Variants in DIO1 observed in about 807,000 individuals in gnomAD.
DIO1 encodes iodothyronine deiodinase 1.
Under a neutral mutation model 25.9 loss-of-function variants are expected in DIO1, and 17 were observed. That is an observed-to-expected ratio of 0.66 (90% CI 0.45 to 0.98). DIO1 has a LOEUF of 0.98. DIO1 is among the 50% of genes least tolerant of loss of function. The probability of loss-of-function intolerance (pLI) is 0.00; values close to 1 mark genes in which losing one functional copy is unlikely to be tolerated. For synonymous variants in DIO1, 115 were observed against 114.0 expected (o/e 1.01, Z -0.05); for missense variants, 270 against 310.4 (o/e 0.87, Z 0.98).
At chr1:53,908,798 C>T (rs1017058027) in intron 3 of DIO1, among the ~76,000 whole-genome samples, 2 of 152,096 alleles carry the variant, frequency 1.3e-5, no homozygotes, top group Non-Finnish European at 2.9e-5. Context: ...GAGACATGAT[C>T]GGACCTGTAC....
At chr1:53,905,350 T>A (rs773077649) in intron 2 of DIO1, among the ~76,000 whole-genome samples, 2 of 151,996 alleles carry the variant, frequency 1.3e-5, no homozygotes, top group African/African-American at 4.8e-5. Flanking sequence ...GTTTTTTGTA[T>A]TTTTTGTAGA....
At chr1:53,906,658 C>A (rs923331806) in intron 3 of DIO1, among the ~76,000 whole-genome samples, 3 of 148,542 alleles carry the variant, frequency 2.0e-5, no homozygotes, top group Non-Finnish European at 3.0e-5. Flanking sequence ...GGGTTTCTTT[C>A]TTTCTTTTTT....
At chr1:53,906,846 G>T (rs1306680871) in intron 3 of DIO1, among the ~76,000 whole-genome samples, 1 of 152,120 alleles carries the variant, frequency 6.6e-6, no homozygotes, top group Non-Finnish European at 1.5e-5. Flanking sequence ...TAGAGACGGG[G>T]TTTCACCATG....
Position 53,906,288 on chromosome 1 carries a change from C to T in DIO1, c.675C>T (p.Leu225=). The change falls in exon 3 of 4, where the codon CTC becomes CTT. Residue 225 remains leucine, a synonymous_variant. Coordinates refer to ENST00000361921, the MANE Select transcript of DIO1 (RefSeq NM_000792.7). ...RLYIIQEGRI[L]YKGKSGPWNY... is the part of the protein sequence containing the mutation. Reference sequence around the variant, plus strand: ...ACATAATCCAGGAGGGCAGGATCCTCTACAAGGTGGTGACCTGGGGACAGG... The same window carrying T: ...ACATAATCCAGGAGGGCAGGATCCTTTACAAGGTGGTGACCTGGGGACAGG... 2 of 1,611,296 alleles carry T rather than the reference C, an allele frequency of 1.2e-6. No individual in the cohort carries two copies. Among genetic ancestry groups the T allele is most frequent in the East Asian group, 2.2e-5 (1 of 44,808 alleles).
intron 2 of DIO1, among the ~76,000 whole-genome samples, chr1:53,905,789 C>A (rs375934745): frequency 6.6e-6 from 1 of 152,130 alleles, no homozygotes; most frequent in Non-Finnish European, 1.5e-5. Flanking sequence ...TTCGACAGAC[C>A]GAATCAGAAT....
chr1:53,904,524 G>GGACCCCA, intron 1 of DIO1, 142 bp from the exon 2 acceptor site: 1 of 934,732 alleles, frequency 1.1e-6, no homozygotes, highest in Non-Finnish European at 1.6e-6. Flanking sequence ...TCTAGGTGTC[G>GGACCCCA]GACCCCAGTG....
chr1:53,903,965 G>A (rs192097078), intron 1 of DIO1, among the ~76,000 whole-genome samples: 12 of 150,336 alleles, frequency 8.0e-5, no homozygotes, highest in African/African-American at 3.0e-4. Context: ...AGCTGGTCCT[G>A]CTCCTAGCAT....
At chr1:53,898,529 G>T (rs1651195752) in intron 1 of DIO1, among the ~76,000 whole-genome samples, 1 of 152,126 alleles carries the variant, frequency 6.6e-6, no homozygotes, top group African/African-American at 2.4e-5. Flanking sequence ...CGGGTCACTT[G>T]ATGTCAGGAG....
rs1651884617 is a variant in DIO1 at position 53,910,326 on chromosome 1, G to A, written c.*327G>A. The A allele has an allele frequency of 3.1e-6, 1 of 317,592 alleles. No individual in the cohort carries two copies. Among genetic ancestry groups the A allele is most frequent in the African/African-American group, 2.1e-5 (1 of 47,908 alleles). 19.7% of individuals were successfully genotyped at this position (317,592 alleles called of 1,614,324 possible). A position where few individuals can be genotyped will look rare whatever the true frequency, so the allele number is the denominator to read the frequency against. On this transcript the variant is annotated 3_prime_UTR_variant, in exon 4 of 4. Coordinates refer to ENST00000361921, the MANE Select transcript of DIO1 (RefSeq NM_000792.7). Reference sequence around the variant, plus strand: ...CATTCCCTGCACACGGTCTTTGAGAGAGCAGTTGCACTCTACAGGCACACT... The same window carrying A: ...CATTCCCTGCACACGGTCTTTGAGAAAGCAGTTGCACTCTACAGGCACACT...
At chr1:53,901,748 T>C (rs377637798) in intron 1 of DIO1, among the ~76,000 whole-genome samples, 1 of 152,068 alleles carries the variant, frequency 6.6e-6, no homozygotes, top group African/African-American at 2.4e-5. Context: ...AAGTCAGATA[T>C]AGTCAAGTGC....
intron 1 of DIO1, among the ~76,000 whole-genome samples, chr1:53,898,058 G>C (rs1207180863): frequency 6.6e-6 from 1 of 152,148 alleles, no homozygotes; most frequent in South Asian, 2.1e-4. Flanking sequence ...AGATGGTGTC[G>C]TGACAGGGAA....
At chr1:53,899,132 T>A (rs2100763764) in intron 1 of DIO1, among the ~76,000 whole-genome samples, 1 of 152,238 alleles carries the variant, frequency 6.6e-6, no homozygotes. Context: ...GAACAAAACA[T>A]CGAGTAACTG....
intron 1 of DIO1, among the ~76,000 whole-genome samples, chr1:53,895,572 G>C (rs1306069311): frequency 6.6e-6 from 1 of 151,894 alleles, no homozygotes; most frequent in Non-Finnish European, 1.5e-5. Context: ...CCTTCTCCCC[G>C]ACTTGCCCAC....
At chr1:53,897,214 G>A (rs974189658) in intron 1 of DIO1, among the ~76,000 whole-genome samples, 2 of 152,336 alleles carry the variant, frequency 1.3e-5, no homozygotes, top group East Asian at 1.9e-4. Flanking sequence ...CGTGGCTCAC[G>A]CCTTTAATTC....
chr1:53,894,394 A>G lies in DIO1; in HGVS notation c.184A>G (p.Ile62Val), dbSNP rs1227084504. ...RNPHFSHDNW[I>V]PTFFSTQYFW... ...CCCCCATTTCAGCCACGACAACTGG[A>G]TACCAACCTTTTTCAGCACCCAGTA... The change falls in exon 1 of 4, where the codon ATA (isoleucine) becomes GTA (valine). Residue 62 changes from isoleucine (I) to valine (V), a missense_variant. Transcript: ENST00000361921. The surrounding 1 kb of genome is among the most constrained non-coding windows in gnomAD (Gnocchi z 4.9). 6.2e-7 allele frequency: 1 copy of G among 1,614,204 alleles called. No individual in the cohort carries two copies. Among genetic ancestry groups the G allele is most frequent in the South Asian group, 1.1e-5 (1 of 91,084 alleles).
Position 53,894,390 on chromosome 1 carries a change from C to G in DIO1, c.180C>G (p.Asn60Lys). 6.2e-7 allele frequency: 1 copy of G among 1,614,238 alleles called. No homozygotes were observed. The highest frequency in any genetic ancestry group is 8.5e-7 in the Non-Finnish European group (1 of 1,180,046). ...GGAACCCCCATTTCAGCCACGACAA[C>G]TGGATACCAACCTTTTTCAGCACCC... is the stretch of plus-strand genomic sequence containing the variant. Reference protein sequence around the residue: ...MTRNPHFSHDNWIPTFFSTQY... With the variant: ...MTRNPHFSHDKWIPTFFSTQY... Residue 60 changes from asparagine (N) to lysine (K), a missense_variant, in exon 1 of 4, where the codon AAC (asparagine) becomes AAG (lysine). Asn to Lys is a moderately conservative substitution (Grantham distance 94). Transcript: ENST00000361921. The surrounding 1 kb of genome is among the most constrained non-coding windows in gnomAD (Gnocchi z 4.9).
chr1:53,898,275 G>A (rs549275701), intron 1 of DIO1, among the ~76,000 whole-genome samples: 17 of 152,114 alleles, frequency 1.1e-4, no homozygotes, highest in Non-Finnish European at 2.2e-4. Flanking sequence ...ATTCAGTTTG[G>A]CACAAGTGGG....
intron 3 of DIO1, 37 bp downstream of exon 3, chr1:53,906,331 A>G: frequency 6.4e-7 from 1 of 1,566,108 alleles, no homozygotes; most frequent in Non-Finnish European, 8.7e-7. Flanking sequence ...GGGAGGGCAA[A>G]GGGGCCCAGG....
intron 1 of DIO1, among the ~76,000 whole-genome samples, chr1:53,903,754 C>T (rs769725625): frequency 6.6e-6 from 1 of 151,908 alleles, no homozygotes; most frequent in Non-Finnish European, 1.5e-5. Context: ...GAGGCTGAGG[C>T]AGGAGAATCG....
Sources: allele counts gnomAD v4.1 joint callset (sites outside exome capture counted in the v4.1 genomes callset), GRCh38; gene constraint gnomAD v4.1.1; non-coding constraint Gnocchi (gnomAD v3.1); transcripts MANE v1.5; gene names NCBI Gene and HGNC (gene_info 2026-07-23, HGNC 2026-07-21).